The following SEMA3A variants were observed in gnomAD, a reference collection of about 807,000 sequenced individuals.
SEMA3A encodes the protein semaphorin-3A.
A neutral mutation model predicts 97.9 loss-of-function variants in SEMA3A; 29 were observed. The ratio of observed to expected loss-of-function variants is 0.30; its 90% CI spans 0.22 to 0.40. SEMA3A has a LOEUF of 0.40. Among genes scored for constraint, SEMA3A ranks in the 10% least tolerant of loss-of-function variants. The pLI is 1.00. For missense variants in SEMA3A, 763 were observed against 951.3 expected (o/e 0.80, Z 2.60); for synonymous variants, 321 against 323.7 (o/e 0.99, Z 0.09).
chr7:84,102,629 G>C (rs1462988285), intron 4 of SEMA3A, among the ~76,000 whole-genome samples: 1 of 101,728 alleles, frequency 9.8e-6, no homozygotes, highest in Non-Finnish European at 1.9e-5. Context: ...TCTCACTCTT[G>C]TTGCCCAGTG....
intron 3 of SEMA3A, among the ~76,000 whole-genome samples, chr7:84,215,395 C>T (rs988830601): frequency 2.8e-5 from 4 of 144,594 alleles, no homozygotes; most frequent in Non-Finnish European, 6.0e-5. Flanking sequence ...ACCATATTGG[C>T]CAGGCTGGTC....
At chr7:84,289,169 C>T (rs1800675424) in intron 3 of SEMA3A, among the ~76,000 whole-genome samples, 1 of 151,972 alleles carries the variant, frequency 6.6e-6, no homozygotes, top group Admixed American at 6.6e-5. Context: ...AAGAGGTGAT[C>T]TCATGGAATT....
In SEMA3A at chr7:83,959,660, G is replaced by A. The variant is rs1788389103; in HGVS notation, c.*1711C>T. On this transcript the variant is annotated 3_prime_UTR_variant, in exon 17 of 17. Coordinates refer to ENST00000265362, the MANE Select transcript of SEMA3A (RefSeq NM_006080.3). Reference sequence around the variant, plus strand: ...TCACTGTAGTCTGAGGTGAGAAATTGATGCTGAGTTAATTAGAATCCAAAG... The same window carrying A: ...TCACTGTAGTCTGAGGTGAGAAATTAATGCTGAGTTAATTAGAATCCAAAG... The A allele has an allele frequency of 6.6e-6, 1 of 152,030 alleles. No individual in the cohort carries two copies. Among genetic ancestry groups the A allele is most frequent in the Non-Finnish European group, 1.5e-5 (1 of 67,932 alleles). The allele number at this position is 152,030 out of a possible 1,614,324, so 9.4% of individuals were successfully genotyped here.
At chr7:84,312,696 CTT>C (rs994273681) in intron 2 of SEMA3A, among the ~76,000 whole-genome samples, 104 of 149,168 alleles carry the variant, frequency 7.0e-4, no homozygotes, top group African/African-American at 2.4e-3. Flanking sequence ...CACAAACACT[CTT>C]TGGAGAATCC....
At chr7:84,477,163 G>C (rs910033262) in intron 1 of SEMA3A, among the ~76,000 whole-genome samples, 2 of 150,184 alleles carry the variant, frequency 1.3e-5, no homozygotes, top group African/African-American at 4.9e-5. Flanking sequence ...AATAGGCAGG[G>C]TGCTGTGGCT....
Position 84,070,169 on chromosome 7 carries a change from A to T in SEMA3A, c.454-9611T>A, listed in dbSNP as rs552430614. On this transcript the variant is annotated intron_variant, in intron 4 of 16. Transcript: ENST00000265362. ...AATACATGAATAAAACTTTAGCTAT[A>T]CTGATTCTAATTGCTTTAGCAGATG... 7.9e-5 allele frequency among the ~76,000 whole-genome samples: 12 copies of T among 152,266 alleles called. No individual in the cohort carries two copies. In the South Asian group the frequency reaches 2.5e-3, roughly 32 times the overall value.
At chr7:84,059,249 C>T (rs553372131) in intron 5 of SEMA3A, among the ~76,000 whole-genome samples, 46 of 152,178 alleles carry the variant, frequency 3.0e-4, no homozygotes, top group Middle Eastern at 3.4e-3. Flanking sequence ...TCCTTCAGGT[C>T]TTAAACTTTT....
At chr7:84,161,465 C>T (rs185427138) in intron 1 of SEMA3A, among the ~76,000 whole-genome samples, 16 of 152,198 alleles carry the variant, frequency 1.1e-4, no homozygotes, top group Middle Eastern at 3.4e-3. Context: ...TCCCTGACAC[C>T]CTCACGGGAC....
intron 3 of SEMA3A, among the ~76,000 whole-genome samples, chr7:84,274,737 T>A (rs775608733): frequency 3.9e-5 from 6 of 152,068 alleles, no homozygotes; most frequent in Non-Finnish European, 7.4e-5. Flanking sequence ...AAAAGATTTA[T>A]TTTCCAAACA....
At chr7:83,992,151 G>A (rs1451460216) in intron 12 of SEMA3A, among the ~76,000 whole-genome samples, 3 of 150,148 alleles carry the variant, frequency 2.0e-5, no homozygotes, top group Non-Finnish European at 3.0e-5. Context: ...GTATTTCTGT[G>A]GGATTGGTGG....
At chr7:84,313,099 C>T (rs1801386028) in intron 2 of SEMA3A, among the ~76,000 whole-genome samples, 1 of 142,882 alleles carries the variant, frequency 7.0e-6, no homozygotes, top group Non-Finnish European at 1.5e-5. Flanking sequence ...TTCATTAAGC[C>T]ATGATTTACT....
chr7:84,075,262 C>G (rs1184467217), intron 4 of SEMA3A, among the ~76,000 whole-genome samples: 5 of 150,660 alleles, frequency 3.3e-5, no homozygotes, highest in Non-Finnish European at 7.4e-5. Context: ...TAACCTCCAC[C>G]TCCTGGGTTC....
rs150295496 is a variant in SEMA3A at position 84,462,232 on chromosome 7, A to C, written c.-246+30228T>G. On this transcript the variant is annotated intron_variant, in intron 1 of 3. Coordinates refer to the SEMA3A transcript ENST00000424555. ...ACCTTATTACTGAAGCATTCTGAGG[A>C]ATTAAAAAAAGATATATGGCCTGAT... Among the ~76,000 whole-genome samples, 118 of 152,246 alleles carry C rather than the reference A, an allele frequency of 7.8e-4. No individual in the cohort carries two copies. In the East Asian group the frequency reaches 0.021, roughly 28 times the overall value.
intron 3 of SEMA3A, among the ~76,000 whole-genome samples, chr7:84,277,183 G>T (rs566769192): frequency 6.6e-6 from 1 of 151,976 alleles, no homozygotes; most frequent in Non-Finnish European, 1.5e-5. Flanking sequence ...AATAACAAAG[G>T]CCTTTTAATC....
intron 1 of SEMA3A, among the ~76,000 whole-genome samples, chr7:84,180,525 T>C (rs1480473183): frequency 6.6e-6 from 1 of 151,694 alleles, no homozygotes; most frequent in Non-Finnish European, 1.5e-5. Context: ...CCATCTCTAC[T>C]AAAAATACAA....
intron 3 of SEMA3A, among the ~76,000 whole-genome samples, chr7:84,266,121 C>G (rs1232682259): frequency 6.6e-6 from 1 of 151,752 alleles, no homozygotes; most frequent in African/African-American, 2.4e-5. Flanking sequence ...GAGTTCAAGA[C>G]CAGCCTGGCC....
intron 5 of SEMA3A, among the ~76,000 whole-genome samples, chr7:84,048,712 A>C (rs1792463907): frequency 6.6e-6 from 1 of 152,056 alleles, no homozygotes; most frequent in Admixed American, 6.6e-5. Flanking sequence ...AAAACTGAAA[A>C]ATTTAATATC....
intron 2 of SEMA3A, among the ~76,000 whole-genome samples, chr7:84,129,627 C>A (rs1398379214): frequency 6.6e-6 from 1 of 151,854 alleles, no homozygotes; most frequent in Admixed American, 6.6e-5. Context: ...GGATACATTT[C>A]CCTGAAACAA....
chr7:84,221,034 A>C (rs1234405188), intron 3 of SEMA3A, among the ~76,000 whole-genome samples: 1 of 152,136 alleles, frequency 6.6e-6, no homozygotes, highest in African/African-American at 2.4e-5. Flanking sequence ...TCTACTATGA[A>C]AATCTGTTTA....
Sources: gnomAD v4.1 joint callset for allele counts (sites outside exome capture counted in the v4.1 genomes callset) on GRCh38, gnomAD v4.1.1 for gene constraint, MANE v1.5 for transcripts, NCBI Gene and HGNC (gene_info 2026-07-23, HGNC 2026-07-21) for gene names.